The following PDE4B variants were observed in gnomAD, a reference collection of about 807,000 sequenced individuals.
The protein encoded by PDE4B is 3',5'-cyclic-AMP phosphodiesterase 4B.
Under a neutral mutation model 82.2 loss-of-function variants are expected in PDE4B, and 20 were observed. The ratio of observed to expected loss-of-function variants is 0.24; its 90% confidence interval spans 0.17 to 0.35. PDE4B has a LOEUF of 0.35. Among genes scored for constraint, PDE4B ranks in the 10% least tolerant of loss-of-function variants. PDE4B has a pLI of 1.00. For missense variants in PDE4B, 655 were observed against 907.2 expected (o/e 0.72, Z 3.57); for synonymous variants, 320 against 318.9 (o/e 1.00, Z -0.04).
At chr1:66,134,892 A>T in intron 3 of PDE4B, among the ~76,000 whole-genome samples, 1 of 152,256 alleles carries the variant, frequency 6.6e-6, no homozygotes, top group Non-Finnish European at 1.5e-5. Flanking sequence ...TGAGGGAGAT[A>T]AAACAGAAAG....
intron 1 of PDE4B, among the ~76,000 whole-genome samples, chr1:65,831,415 C>G (rs1443167581): frequency 6.6e-6 from 1 of 151,964 alleles, no homozygotes; most frequent in African/African-American, 2.4e-5. Flanking sequence ...AATTGTATGC[C>G]CATAAATTCA....
rs201648225 is a variant in PDE4B at position 66,370,545 on chromosome 1, A to AT, written c.1845+1577dup. ...GGACAGGTCTTCCTGTTGCCATGAC[A>AT]TCGTTATCCACTCTGGTATTTCCCA... On this transcript the variant is annotated intron_variant, in intron 16 of 16. Transcript: ENST00000341517. 7.1e-3 allele frequency among the ~76,000 whole-genome samples: 1,082 copies of AT among 152,280 alleles called. 13 individuals carry two copies. The highest frequency in any genetic ancestry group is 7.9e-3 in the Non-Finnish European group (537 of 68,024).
At chr1:66,004,365 C>T (rs1372595846) in intron 3 of PDE4B, among the ~76,000 whole-genome samples, 3 of 152,062 alleles carry the variant, frequency 2.0e-5, no homozygotes, top group African/African-American at 7.2e-5. Context: ...TTCTTTTAGA[C>T]CACTTAGATA....
chr1:66,371,646 A>G (rs1262624448), intron 16 of PDE4B, among the ~76,000 whole-genome samples: 2 of 152,154 alleles, frequency 1.3e-5, no homozygotes, highest in African/African-American at 4.8e-5. Context: ...CCGAGGGGAT[A>G]TGTGTTTCTT....
chr1:66,193,570 C>A (rs1440074526), intron 3 of PDE4B, among the ~76,000 whole-genome samples: 1 of 152,060 alleles, frequency 6.6e-6, no homozygotes, highest in Non-Finnish European at 1.5e-5. Context: ...TAATCATCTC[C>A]CCTGGGTTCT....
At chr1:66,343,144 T>C (rs1332145408) in intron 8 of PDE4B, among the ~76,000 whole-genome samples, 2 of 152,230 alleles carry the variant, frequency 1.3e-5, no homozygotes, top group Admixed American at 1.3e-4. Context: ...GAGAATCATT[T>C]GTGTATAAAA....
intron 1 of PDE4B, among the ~76,000 whole-genome samples, chr1:65,824,275 C>A (rs1168695244): frequency 6.6e-6 from 1 of 151,944 alleles, no homozygotes; most frequent in Non-Finnish European, 1.5e-5. Flanking sequence ...TAAAAGGAGA[C>A]CATTGGCTTC....
intron 1 of PDE4B, among the ~76,000 whole-genome samples, chr1:65,878,203 A>G (rs999366390): frequency 1.3e-5 from 2 of 152,218 alleles, no homozygotes; most frequent in African/African-American, 4.8e-5. Flanking sequence ...GCCAGTTAGA[A>G]TGGTGACCAT....
chr1:66,235,275 G>A (rs539858042), intron 3 of PDE4B, among the ~76,000 whole-genome samples: 1 of 152,076 alleles, frequency 6.6e-6, no homozygotes, highest in African/African-American at 2.4e-5. Flanking sequence ...TCCTTACTGG[G>A]TTTCTGTCTA....
intron 1 of PDE4B, among the ~76,000 whole-genome samples, chr1:65,800,076 T>C (rs1645677551): frequency 6.6e-6 from 1 of 152,190 alleles, no homozygotes; most frequent in Non-Finnish European, 1.5e-5. Context: ...CTGTATATAC[T>C]GGGGGGATTT....
In PDE4B at chr1:65,994,877, G is replaced by A. The variant is rs532198346; in HGVS notation, c.281+76042G>A. Among the ~76,000 whole-genome samples, 9 of 152,048 alleles carry A rather than the reference G, an allele frequency of 5.9e-5. No homozygotes were observed. The South Asian group carries it at 8.3e-4, about 14-fold the overall frequency. ...TTATAATAGATTTTTGATGTGCTAA[G>A]AACATAGAGCTATAAATACTGGAGT... On this transcript the variant is annotated intron_variant, in intron 3 of 16. Coordinates refer to ENST00000341517, the MANE Select transcript of PDE4B (RefSeq NM_002600.4).
At chr1:66,015,621 G>T (rs188097741) in intron 3 of PDE4B, among the ~76,000 whole-genome samples, 2 of 152,106 alleles carry the variant, frequency 1.3e-5, no homozygotes, top group South Asian at 2.1e-4. Context: ...AAAGTGCAAA[G>T]ATCTTAAGGT....
At chr1:66,301,661 T>G (rs758630758) in intron 7 of PDE4B, among the ~76,000 whole-genome samples, 3 of 152,066 alleles carry the variant, frequency 2.0e-5, no homozygotes, top group Non-Finnish European at 2.9e-5. Flanking sequence ...TGTAATCTCA[T>G]GATAGAATAG....
intron 1 of PDE4B, among the ~76,000 whole-genome samples, chr1:65,880,171 T>G (rs1424309759): frequency 1.3e-5 from 2 of 152,194 alleles, no homozygotes; most frequent in Non-Finnish European, 2.9e-5. Flanking sequence ...AGCTTCCCTT[T>G]AATACCTGGT....
Position 65,877,527 on chromosome 1 carries a change from A to G in PDE4B, c.-70-35718A>G, listed in dbSNP as rs550310065. On this transcript the variant is annotated intron_variant, in intron 1 of 16. Transcript: ENST00000341517. ...CTACTTGGGAGGCTGAGGCAGGAGA[A>G]TGGCATGACCCTGGGAGGCAGAGTT... 8.2e-4 allele frequency among the ~76,000 whole-genome samples: 125 copies of G among 152,108 alleles called. No individual in the cohort carries two copies. The East Asian group carries it at 0.015, about 18-fold the overall frequency.
At chr1:66,040,456 C>A (rs908824000) in intron 3 of PDE4B, among the ~76,000 whole-genome samples, 1 of 151,966 alleles carries the variant, frequency 6.6e-6, no homozygotes, top group Admixed American at 6.6e-5. Flanking sequence ...TGTTACAATT[C>A]TTTGCTCCAT....
chr1:66,160,091 A>G (rs976075211), intron 3 of PDE4B, among the ~76,000 whole-genome samples: 1 of 152,148 alleles, frequency 6.6e-6, no homozygotes, highest in Non-Finnish European at 1.5e-5. Flanking sequence ...CTCACACAGG[A>G]TTTTTACAGT....
At chr1:66,348,437 G>A (rs959861422) in intron 8 of PDE4B, among the ~76,000 whole-genome samples, 34 of 152,024 alleles carry the variant, frequency 2.2e-4, no homozygotes, top group African/African-American at 8.2e-4. Context: ...CAAATTAAAA[G>A]GGAAGGATCA....
At chr1:66,133,600 C>T (rs916711730) in intron 3 of PDE4B, among the ~76,000 whole-genome samples, 3 of 152,246 alleles carry the variant, frequency 2.0e-5, no homozygotes, top group Middle Eastern at 3.4e-3. Flanking sequence ...GCTGACTTGA[C>T]CATAAGAAGT....
Sources: gnomAD v4.1 joint callset for allele counts (sites outside exome capture counted in the v4.1 genomes callset) on GRCh38, gnomAD v4.1.1 for gene constraint, MANE v1.5 for transcripts, NCBI Gene and HGNC (gene_info 2026-07-23, HGNC 2026-07-21) for gene names.